The following UGT1A7 variants were observed in gnomAD, a reference collection of about 807,000 sequenced individuals.
UGT1A7 encodes UDP-glucuronosyltransferase 1A7.
Under a neutral mutation model 45.6 loss-of-function variants are expected in UGT1A7, and 33 were observed. That is an observed-to-expected ratio of 0.72 (90% CI 0.55 to 0.97). The LOEUF is 0.97. UGT1A7 is among the 50% of genes least tolerant of loss of function. The pLI is 0.00. For synonymous variants in UGT1A7, 274 were observed against 250.6 expected (o/e 1.09, Z -0.88); for missense variants, 684 against 666.2 (o/e 1.03, Z -0.29).
intron 1 of UGT1A7, among the ~76,000 whole-genome samples, chr2:233,715,641 G>A (rs1196189169): frequency 6.6e-6 from 1 of 152,000 alleles, no homozygotes; most frequent in Non-Finnish European, 1.5e-5. Context: ...GTGTGATGGT[G>A]CACACCTGTG....
chr2:233,717,649 C>A, intron 1 of UGT1A7: 2 of 403,236 alleles, frequency 5.0e-6, no homozygotes, highest in South Asian at 3.6e-5. Flanking sequence ...GCGACCAGGA[C>A]AAGGAAGCAT....
chr2:233,729,723 A>C (rs563184062), intron 1 of UGT1A7: 21 of 1,613,942 alleles, frequency 1.3e-5, no homozygotes, highest in Non-Finnish European at 1.7e-5. Flanking sequence ...GATTACTAAC[A>C]ACCAATTCAG....
At chr2:233,765,999 C>T (rs1036845415) in intron 1 of UGT1A7, among the ~76,000 whole-genome samples, 2 of 151,990 alleles carry the variant, frequency 1.3e-5, no homozygotes, top group Non-Finnish European at 1.5e-5. Flanking sequence ...CTCCAGTGGG[C>T]GTGGGTTATG....
At chr2:233,715,990 C>G (rs1207588761) in intron 1 of UGT1A7, among the ~76,000 whole-genome samples, 3 of 152,156 alleles carry the variant, frequency 2.0e-5, no homozygotes, top group Non-Finnish European at 4.4e-5. Context: ...TAAAACACAA[C>G]AAAACCCAAA....
chr2:233,700,901 T>A (rs940046248), intron 1 of UGT1A7, among the ~76,000 whole-genome samples: 32 of 151,466 alleles, frequency 2.1e-4, no homozygotes, highest in Admixed American at 2.1e-3. Context: ...GTCCCCGGTG[T>A]GTGACGTTCC....
chr2:233,721,249 T>C (rs2076931070), intron 1 of UGT1A7, among the ~76,000 whole-genome samples: 1 of 152,214 alleles, frequency 6.6e-6, no homozygotes, highest in Non-Finnish European at 1.5e-5. Flanking sequence ...GTAAAAAATA[T>C]ATATGTTCTT....
At chr2:233,729,485 T>C in intron 1 of UGT1A7, 1 of 1,614,232 alleles carries the variant, frequency 6.2e-7, no homozygotes, top group Non-Finnish European at 8.5e-7. Context: ...TTGAACAATA[T>C]GTCTTTGGTC....
At chr2:233,743,729 T>C (rs767611267) in intron 1 of UGT1A7, 12 of 1,367,246 alleles carry the variant, frequency 8.8e-6, no homozygotes, top group South Asian at 2.3e-5. Flanking sequence ...GTCATAGATA[T>C]CGCGTTTCTT....
chr2:233,749,337 T>C (rs10179091), intron 1 of UGT1A7, among the ~76,000 whole-genome samples: 73,841 of 151,468 alleles, frequency 0.49, 18,755 homozygotes, highest in South Asian at 0.6. Context: ...TGTTGAAAAG[T>C]GGGATGGAAT....
chr2:233,683,083 C>CT (rs1255524553), intron 1 of UGT1A7, among the ~76,000 whole-genome samples: 1 of 151,994 alleles, frequency 6.6e-6, no homozygotes, highest in African/African-American at 2.4e-5. Flanking sequence ...TGAAACTTCC[C>CT]TTTTTTTGCT....
chr2:233,716,849 C>T (rs569937997), intron 1 of UGT1A7, among the ~76,000 whole-genome samples: 123 of 152,312 alleles, frequency 8.1e-4, no homozygotes, highest in Admixed American at 3.1e-3. Flanking sequence ...TCAGCTACCA[C>T]ATATGCTGAT....
At chr2:233,754,202 GAAGTCA>G (rs1362706108) in intron 1 of UGT1A7, 1 of 162,518 alleles carries the variant, frequency 6.2e-6, no homozygotes, top group East Asian at 1.7e-4. Context: ...GTAAAACATT[GAAGTCA>G]AATGATTTAG....
At chr2:233,713,308 T>A in intron 1 of UGT1A7, 1 of 1,614,228 alleles carries the variant, frequency 6.2e-7, no homozygotes, top group Non-Finnish European at 8.5e-7. Flanking sequence ...ACAGAACATC[T>A]TCTGATGAAA....
Position 233,769,738 on chromosome 2 carries a change from C to G in UGT1A7, c.1295+1299C>G. 1 of 1,454,300 alleles carries G rather than the reference C, an allele frequency of 6.9e-7. No individual in the cohort carries two copies. The highest frequency in any genetic ancestry group is 9.1e-7 in the Non-Finnish European group (1 of 1,102,384). The allele number at this position is 1,454,300 out of a possible 1,614,324, so 90.1% of individuals were successfully genotyped here. On this transcript the variant is annotated intron_variant, in intron 4 of 4. Transcript: ENST00000373426. The surrounding 1 kb of genome is among the most constrained non-coding windows in gnomAD (Gnocchi z 4.4). ...GGCACCATGGCACACGCCTGTAGTC[C>G]CAGCCACTCTGGAGGCTAAGGCGGG...
chr2:233,724,358 C>T (rs2077236787), intron 1 of UGT1A7, among the ~76,000 whole-genome samples: 1 of 147,908 alleles, frequency 6.8e-6, no homozygotes, highest in African/African-American at 2.5e-5. Context: ...CACCTCCCTC[C>T]CGGACGGGGT....
intron 1 of UGT1A7, among the ~76,000 whole-genome samples, chr2:233,733,802 G>A (rs2078438664): frequency 6.6e-6 from 1 of 152,152 alleles, no homozygotes; most frequent in African/African-American, 2.4e-5. Flanking sequence ...TTTGGTATCA[G>A]GATGATGCTG....
In UGT1A7 at chr2:233,725,255, AGAGGCAGAG is replaced by A. The variant is rs1488139555; in HGVS notation, c.856-41768_856-41760del. On this transcript the variant is annotated intron_variant, in intron 1 of 4. Coordinates refer to ENST00000373426, the MANE Select transcript of UGT1A7 (RefSeq NM_019077.3). Reference sequence around the variant, plus strand: ...CAGAGGAGGCAGAGGCAGAGGAGGCAGAGGCAGAGGAGGCAGAGGCAGAGGCAGAGGCAG... The same window carrying A: ...CAGAGGAGGCAGAGGCAGAGGAGGCAGAGGCAGAGGCAGAGGCAGAGGCAG... Among the ~76,000 whole-genome samples, 19 of 63,990 alleles carry A rather than the reference AGAGGCAGAG, an allele frequency of 3.0e-4. 2 individuals carry two copies. Among genetic ancestry groups the A allele is most frequent in the African/African-American group, 1.5e-3 (12 of 7,816 alleles). 42.0% of individuals were successfully genotyped at this position (63,990 alleles called of 152,430 possible).
At chr2:233,699,828 A>C (rs1331199785) in intron 1 of UGT1A7, among the ~76,000 whole-genome samples, 1 of 152,230 alleles carries the variant, frequency 6.6e-6, no homozygotes, top group Non-Finnish European at 1.5e-5. Context: ...GTTCTCAAAT[A>C]GAACTAATTT....
chr2:233,693,591 A>C lies in UGT1A7; in HGVS notation c.855+10799A>C, dbSNP rs1484230221. 7 of 1,614,114 alleles carry C rather than the reference A, an allele frequency of 4.3e-6. No individual in the cohort carries two copies. The highest frequency in any genetic ancestry group is 5.9e-6 in the Non-Finnish European group (7 of 1,180,040). On this transcript the variant is annotated intron_variant, in intron 1 of 4. Coordinates refer to ENST00000373426, the MANE Select transcript of UGT1A7 (RefSeq NM_019077.3). Reference sequence around the variant, plus strand: ...CCTGTGTCCTACATTCCCAGGTGCTACACAAAGTTTTCAGACCACATGACT... The same window carrying C: ...CCTGTGTCCTACATTCCCAGGTGCTCCACAAAGTTTTCAGACCACATGACT...
Sources: allele counts gnomAD v4.1 joint callset (sites outside exome capture counted in the v4.1 genomes callset), GRCh38; gene constraint gnomAD v4.1.1; non-coding constraint Gnocchi (gnomAD v3.1); transcripts MANE v1.5; gene names NCBI Gene and HGNC (gene_info 2026-07-23, HGNC 2026-07-21).